AXIN1: variants seen among roughly 807,000 people sequenced by gnomAD.
AXIN1 encodes axin 1.
Under a neutral mutation model 76.4 loss-of-function variants are expected in AXIN1, and 30 were observed. That is an observed-to-expected ratio of 0.39 (90% confidence interval 0.29 to 0.53). The LOEUF (loss-of-function observed/expected upper bound fraction) is 0.53. Ranked by LOEUF, AXIN1 falls within the 20% of genes least tolerant of loss-of-function variation. The pLI, the probability that AXIN1 is intolerant of heterozygous loss-of-function variation, is 0.66. For missense variants in AXIN1, 1,140 were observed against 1,198.8 expected, an observed-to-expected ratio of 0.95 and a Z score of 0.72; for synonymous variants, 545 against 501.4, an observed-to-expected ratio of 1.09 and a Z score of -1.16.
rs374030309 is a variant in AXIN1, at chr16:297,751, G to A, written c.1755C>T (p.Ala585=). Reference sequence around the variant, plus strand: ...GGGCGAGGCCATCACTGGCGTTGGGGGCAGCGCCAACACTCTCTGAGTAGC... The same window carrying A: ...GGGCGAGGCCATCACTGGCGTTGGGAGCAGCGCCAACACTCTCTGAGTAGC... ...SRGYSESVGA[A]PNASDGLAHS... is the part of the protein sequence containing the mutation. The change falls in exon 6 of 11, where the codon GCC becomes GCT. Residue 585 remains alanine, a synonymous_variant. Transcript: ENST00000262320. 1.3e-6 allele frequency: 2 copies of A among 1,597,334 alleles called. No individual in the cohort carries two copies. The highest frequency in any genetic ancestry group is 1.3e-5 in the African/African-American group (1 of 74,642).
At chr16:315,140 G>A (rs1016623176) in intron 2 of AXIN1, among the ~76,000 whole-genome samples, 5 of 152,198 alleles carry the variant, frequency 3.3e-5, no homozygotes, top group African/African-American at 9.7e-5. Flanking sequence ...TGATGTCAGG[G>A]CCGGTATGTG....
rs2141711097 is a variant in AXIN1, at chr16:347,061, A to G, written c.-36T>C. 4 of 1,613,544 alleles carry G rather than the reference A, an allele frequency of 2.5e-6. No individual in the cohort carries two copies. Among genetic ancestry groups the G allele is most frequent in the Non-Finnish European group, 3.4e-6 (4 of 1,180,020 alleles). ...TGCGTCAAGGAACAATGAGCGCTGC[A>G]CCCTAATACATCAGTACTTACAGCT... On this transcript the variant is annotated 5_prime_UTR_variant, in exon 2 of 11. Transcript: ENST00000262320.
Position 293,052 on chromosome 16 carries a change from C to T in AXIN1, c.2186+436G>A, listed in dbSNP as rs897504355. On this transcript the variant is annotated intron_variant, in intron 8 of 10. Coordinates refer to ENST00000262320, the MANE Select transcript of AXIN1 (RefSeq NM_003502.4). The surrounding 1 kb of genome is among the most constrained non-coding windows in gnomAD (Gnocchi z 4.6). ...CGGCTTTCAGAACCACGTAGCTTTC[C>T]GACCGTGCAGAGCCACTCAGGGCTC... 5.3e-5 allele frequency: 11 copies of T among 206,772 alleles called. No homozygotes were observed. In the East Asian group the frequency reaches 1.1e-3, roughly 21 times the overall value. The allele number at this position is 206,772 out of a possible 1,614,324, so 12.8% of individuals were successfully genotyped here.
intron 9 of AXIN1, 116 bp from the exon 10 acceptor site, chr16:289,723 AC>A: frequency 7.4e-7 from 1 of 1,357,188 alleles, no homozygotes; most frequent in Non-Finnish European, 1.0e-6. Flanking sequence ...GGTGAGCAGC[AC>A]CCCATTCAAA....
chr16:299,638 A>G lies in AXIN1; in HGVS notation c.1255-1387T>C, dbSNP rs149506995. Reference sequence around the variant, plus strand: ...CCAAAGTGCTGGGATTACAGGAGTGAGCCACCACAACCGGCCTATTTATTT... The same window carrying G: ...CCAAAGTGCTGGGATTACAGGAGTGGGCCACCACAACCGGCCTATTTATTT... On this transcript the variant is annotated intron_variant, in intron 5 of 10. Transcript: ENST00000262320. Among the ~76,000 whole-genome samples the G allele has an allele frequency of 5.4e-3, 806 of 150,354 alleles. 5 individuals carry two copies. The highest frequency in any genetic ancestry group is 0.019 in the African/African-American group (780 of 40,816).
intron 2 of AXIN1, among the ~76,000 whole-genome samples, chr16:344,522 CTT>C (rs975061755): frequency 6.7e-6 from 1 of 149,540 alleles, no homozygotes; most frequent in Non-Finnish European, 1.5e-5. Context: ...CTCTTGTCCT[CTT>C]GTCGCCCAGG....
intron 2 of AXIN1, among the ~76,000 whole-genome samples, chr16:315,471 A>C (rs1220070837): frequency 1.3e-5 from 2 of 152,180 alleles, no homozygotes; most frequent in Non-Finnish European, 2.9e-5. Context: ...TTCTCCCTAA[A>C]TGTCATTTTT....
chr16:339,773 C>T (rs1298733348), intron 2 of AXIN1, among the ~76,000 whole-genome samples: 1 of 152,160 alleles, frequency 6.6e-6, no homozygotes, highest in Admixed American at 6.5e-5. Flanking sequence ...GCAAGGGGAG[C>T]CCACGCAAGG....
At chr16:315,449 G>A (rs980874517) in intron 2 of AXIN1, among the ~76,000 whole-genome samples, 4 of 152,014 alleles carry the variant, frequency 2.6e-5, no homozygotes, top group African/African-American at 7.3e-5. Flanking sequence ...GGTTATATAC[G>A]CAAAAAACAT....
At chr16:349,787 G>A (rs984897186) in intron 1 of AXIN1, among the ~76,000 whole-genome samples, 1 of 152,172 alleles carries the variant, frequency 6.6e-6, no homozygotes, top group African/African-American at 2.4e-5. Flanking sequence ...CAAAACTAAT[G>A]GGTTTTGTTG....
rs763869998 is a variant in AXIN1, at chr16:310,025, T to A, written c.1064A>T (p.Glu355Val). Residue 355 changes from glutamate to valine, a missense_variant, in exon 4 of 11, where the codon GAG (glutamate) becomes GTG (valine). This residue lies in a region of AXIN1 where 708 missense variants were observed against 776.9 expected (regional missense o/e 0.91). Transcript: ENST00000262320. The stretch of plus-strand genomic sequence containing the variant: ...ATTGACCTGCACGCTCTCCTGCATC[T>A]CCCTGCGGTGCTGCTTACGGATCCT... ...PYRIRKQHRR[E>V]MQESVQVNGR... 4 of 1,613,386 alleles carry A rather than the reference T, an allele frequency of 2.5e-6. No homozygotes were observed. In the Admixed American group the frequency reaches 6.7e-5, roughly 27 times the overall value.
Position 299,292 on chromosome 16 carries a change from T to A in AXIN1, c.1255-1041A>T, listed in dbSNP as rs117794844. The A allele has an allele frequency of 8.5e-4, 811 of 959,386 alleles. 18 individuals are homozygous for A. The East Asian group carries it at 0.078, about 93-fold the overall frequency. The allele number at this position is 959,386 out of a possible 1,614,324, so 59.4% of individuals were successfully genotyped here. On this transcript the variant is annotated intron_variant, in intron 5 of 10. Coordinates refer to ENST00000262320, the MANE Select transcript of AXIN1 (RefSeq NM_003502.4). ...TTATTGGACTGACAAACTAAAACAG[T>A]ATTGAGTAAATCTGGTGTCAATACA...
intron 2 of AXIN1, among the ~76,000 whole-genome samples, chr16:320,743 A>ATATATTTT (rs397722732): frequency 8.8e-4 from 95 of 107,606 alleles, no homozygotes; most frequent in African/African-American, 4.2e-3. Flanking sequence ...ATATATATAT[A>ATATATTTT]TTTTTTTTTT....
At chr16:308,380 T>C (rs2053084178) in intron 4 of AXIN1, among the ~76,000 whole-genome samples, 1 of 152,072 alleles carries the variant, frequency 6.6e-6, no homozygotes, top group Non-Finnish European at 1.5e-5. Flanking sequence ...TGAGGGGAGG[T>C]TGTCTGCCTG....
Position 288,190 on chromosome 16 carries a change from G to C in AXIN1, c.2521C>G (p.Arg841Gly), listed in dbSNP as rs370661416. The stretch of plus-strand genomic sequence containing the variant: ...ACGGGCAGGACGGCCTCGTCCTCTC[G>C]AACCTCCTCAAACACCACCCCACAG... The part of the protein sequence containing the change: ...FDCGVVFEEV[R>G]EDEAVLPVFE... Residue 841 changes from arginine (R) to glycine (G), a missense_variant, in exon 11 of 11, where the codon CGA becomes GGA. Physicochemically the swap from Arg to Gly is moderately radical, Grantham distance 125 (BLOSUM62 -2). Coordinates refer to ENST00000262320, the MANE Select transcript of AXIN1 (RefSeq NM_003502.4). 19 of 1,613,686 alleles carry C rather than the reference G, an allele frequency of 1.2e-5. No individual in the cohort carries two copies. The highest frequency in any genetic ancestry group is 1.5e-5 in the Non-Finnish European group (18 of 1,180,002).
chr16:298,875 T>TCTC (rs1374799271), intron 5 of AXIN1, among the ~76,000 whole-genome samples: 3 of 150,920 alleles, frequency 2.0e-5, no homozygotes, highest in Non-Finnish European at 4.4e-5. Flanking sequence ...TTCAAGTGAT[T>TCTC]CTCCTCCTTC....
intron 2 of AXIN1, among the ~76,000 whole-genome samples, chr16:338,135 C>T (rs920741626): frequency 6.6e-6 from 1 of 152,232 alleles, no homozygotes; most frequent in Non-Finnish European, 1.5e-5. Context: ...CCCCCACCTC[C>T]GATAACTGCA....
At position 288,145 on chromosome 16, in the gene AXIN1, C is replaced by T. The variant is rs142888154; in HGVS notation, c.2566G>A (p.Gly856Ser). ...VLPVFEEKII[G>S]KVEKVD The stretch of plus-strand genomic sequence containing the variant: ...TATCAGTCCACCTTCTCCACTTTGC[C>T]GATGATCTTCTCCTCAAAGACGGGC... Residue 856 changes from glycine to serine, a missense_variant, in exon 11 of 11, where the codon GGC becomes AGC. Gly to Ser is a moderately conservative substitution (Grantham distance 56). Transcript: ENST00000262320. The T allele has an allele frequency of 1.7e-5, 27 of 1,613,408 alleles. No homozygotes were observed. The highest frequency in any genetic ancestry group is 8.8e-5 in the South Asian group (8 of 91,092).
intron 2 of AXIN1, among the ~76,000 whole-genome samples, chr16:323,897 G>A (rs139220359): frequency 6.6e-6 from 1 of 152,252 alleles, no homozygotes; most frequent in East Asian, 1.9e-4. Context: ...GGGTGCAAAG[G>A]GAAAAGGTGT....
Sources: gnomAD v4.1 joint callset for allele counts (sites outside exome capture counted in the v4.1 genomes callset) on GRCh38, gnomAD v4.1.1 for gene constraint, gnomAD v4.1.1 regional missense constraint, Gnocchi (gnomAD v3.1) non-coding constraint, MANE v1.5 for transcripts, NCBI Gene and HGNC (gene_info 2026-07-23, HGNC 2026-07-21) for gene names.